The following FER1L5 variants were observed in gnomAD, a reference collection of about 807,000 sequenced individuals.
FER1L5 encodes fer-1 like family member 5.
A neutral mutation model predicts 279.9 loss-of-function variants in FER1L5; 187 were observed. The ratio of observed to expected loss-of-function variants is 0.67; its 90% CI spans 0.59 to 0.75. The LOEUF is 0.75. Among genes scored for constraint, FER1L5 ranks in the 30% least tolerant of loss-of-function variants. The pLI is 0.00. For synonymous variants in FER1L5, 921 were observed against 989.7 expected, an observed-to-expected ratio of 0.93 and a Z score of 1.30; for missense variants, 2,091 against 2,594.4, an observed-to-expected ratio of 0.81 and a Z score of 4.21.
intron 51 of FER1L5, 84 bp downstream of exon 51, chr2:96,703,716 A>G: frequency 8.4e-7 from 1 of 1,185,014 alleles, no homozygotes; most frequent in Non-Finnish European, 1.2e-6. Context: ...TATCATGGAG[A>G]GGTGGTAATT....
At chr2:96,674,935 C>G (rs2076458185) in intron 19 of FER1L5, among the ~76,000 whole-genome samples, 1 of 152,226 alleles carries the variant, frequency 6.6e-6, no homozygotes, top group Non-Finnish European at 1.5e-5. Flanking sequence ...CTTCACCCAA[C>G]AAGTAACCAT....
intron 9 of FER1L5, among the ~76,000 whole-genome samples, chr2:96,657,557 G>A (rs1345955825): frequency 6.6e-6 from 1 of 152,078 alleles, no homozygotes; most frequent in Non-Finnish European, 1.5e-5. Context: ...GATGGACCTT[G>A]GGAATCACTC....
At chr2:96,699,834 GTC>G in intron 43 of FER1L5, 96 bp from the exon 44 acceptor site, 2 of 1,578,488 alleles carry the variant, frequency 1.3e-6, no homozygotes, top group Non-Finnish European at 1.7e-6. Flanking sequence ...GACCTGCCCA[GTC>G]TCCACCCAAG....
At chr2:96,653,849 C>A in intron 8 of FER1L5, 147 bp downstream of exon 8, 1 of 626,464 alleles carries the variant, frequency 1.6e-6, no homozygotes, top group South Asian at 2.0e-5. Flanking sequence ...CCCCCTGGCA[C>A]CCAGATTATT....
intron 27 of FER1L5, 144 bp downstream of exon 27, chr2:96,690,733 C>T (rs1313022482): frequency 1.0e-5 from 7 of 691,690 alleles, no homozygotes; most frequent in African/African-American, 3.6e-5. Flanking sequence ...GCTGGGTCTC[C>T]AGCGTTTCCT....
rs764242860 is a variant in FER1L5 at position 96,693,680 on chromosome 2, A to C, written c.3467A>C (p.Asp1156Ala). 1.3e-6 allele frequency: 2 copies of C among 1,551,138 alleles called. No homozygotes were observed. The highest frequency in any genetic ancestry group is 8.7e-7 in the Non-Finnish European group (1 of 1,146,666). The change falls in exon 32 of 53, where the codon GAC (aspartate) becomes GCC (alanine). Residue 1156 changes from aspartate (D) to alanine (A), a missense_variant. Transcript: ENST00000624922. The part of the protein sequence containing the change: ...PLVVLELWQR[D>A]FWGKESLWGR... ...GTGGTGCTGGAGCTGTGGCAGCGTG[A>C]CTTCTGGGTAAGTTGGGCTGGGCAG...
At chr2:96,664,942 G>T (rs1007923801) in intron 14 of FER1L5, among the ~76,000 whole-genome samples, 1 of 152,124 alleles carries the variant, frequency 6.6e-6, no homozygotes, top group Admixed American at 6.5e-5. Context: ...ATTATCCTGG[G>T]CTATCTGCAG....
At chr2:96,643,658 C>T (rs2074981836) in intron 1 of FER1L5, among the ~76,000 whole-genome samples, 1 of 151,888 alleles carries the variant, frequency 6.6e-6, no homozygotes, top group Non-Finnish European at 1.5e-5. Context: ...CCTACAAAGC[C>T]TTTTCATATG....
At chr2:96,696,508 G>T (rs1318670234) in intron 37 of FER1L5, among the ~76,000 whole-genome samples, 9 of 151,934 alleles carry the variant, frequency 5.9e-5, no homozygotes, top group Non-Finnish European at 2.9e-5. Flanking sequence ...TGGCCAGGCT[G>T]GTCTCGAACT....
At chr2:96,659,358 C>CTTCCTTCCTTCCTTCCTTCCTTCTTTCT (rs2075779229) in intron 9 of FER1L5, among the ~76,000 whole-genome samples, 1 of 60,582 alleles carries the variant, frequency 1.7e-5, no homozygotes, top group Non-Finnish European at 3.0e-5. Context: ...TCCTTCCTTC[C>CTTCCTTCCTTCCTTCCTTCCTTCTTTCT]TTCCTTCTTT....
chr2:96,669,000 C>G, intron 16 of FER1L5, 32 bp downstream of exon 16: 2 of 1,551,684 alleles, frequency 1.3e-6, no homozygotes, highest in Non-Finnish European at 1.7e-6. Flanking sequence ...CTTCCTACAC[C>G]CCTCGTCCTG....
intron 18 of FER1L5, among the ~76,000 whole-genome samples, 188 bp from the exon 19 acceptor site, chr2:96,672,889 A>T (rs891905935): frequency 6.6e-6 from 1 of 152,112 alleles, no homozygotes; most frequent in Non-Finnish European, 1.5e-5. Context: ...TGGAGGGGCC[A>T]GATGATGGAA....
chr2:96,686,420 C>G, intron 23 of FER1L5, 70 bp downstream of exon 23: 4 of 1,483,468 alleles, frequency 2.7e-6, no homozygotes, highest in Non-Finnish European at 3.6e-6. Flanking sequence ...CCTGAACTCG[C>G]AGGGCAGCCC....
chr2:96,672,519 A>G (rs903804575), intron 18 of FER1L5, among the ~76,000 whole-genome samples: 1 of 152,192 alleles, frequency 6.6e-6, no homozygotes, highest in African/African-American at 2.4e-5. Flanking sequence ...AGAATGGGGC[A>G]GAGGTTGGCA....
intron 9 of FER1L5, among the ~76,000 whole-genome samples, chr2:96,656,374 C>T (rs1045804438): frequency 6.6e-6 from 1 of 152,226 alleles, no homozygotes; most frequent in Non-Finnish European, 1.5e-5. Context: ...CGGTGGCTCA[C>T]GCCTGTAATC....
intron 19 of FER1L5, among the ~76,000 whole-genome samples, chr2:96,677,644 T>C (rs980618527): frequency 1.3e-5 from 2 of 152,072 alleles, no homozygotes; most frequent in East Asian, 1.9e-4. Context: ...GGCGGGTGGA[T>C]CACCTGAGGT....
At chr2:96,678,741 T>C (rs145815239) in intron 19 of FER1L5, among the ~76,000 whole-genome samples, 3 of 152,232 alleles carry the variant, frequency 2.0e-5, no homozygotes, top group Non-Finnish European at 4.4e-5. Context: ...CCACATCTTT[T>C]CATGTGCTCA....
chr2:96,697,611 G>A, intron 38 of FER1L5, 35 bp downstream of exon 38: 4 of 1,613,868 alleles, frequency 2.5e-6, no homozygotes, highest in Non-Finnish European at 3.4e-6. Context: ...GTGCAGGGAG[G>A]TGGGGGGCTG....
At chr2:96,681,191 G>C (rs2076711261) in intron 19 of FER1L5, among the ~76,000 whole-genome samples, 2 of 152,130 alleles carry the variant, frequency 1.3e-5, no homozygotes, top group South Asian at 4.1e-4. Context: ...AACACAGAGA[G>C]ACCCTGTCTC....
Sources: allele counts gnomAD v4.1 joint callset (sites outside exome capture counted in the v4.1 genomes callset), GRCh38; gene constraint gnomAD v4.1.1; transcripts MANE v1.5; gene names NCBI Gene and HGNC (gene_info 2026-07-23, HGNC 2026-07-21).